TMEM154: variants seen among roughly 807,000 people sequenced by gnomAD.
TMEM154 encodes transmembrane protein 154.
In TMEM154, 27 loss-of-function variants were observed where a neutral mutation model predicts 24.5. The observed-to-expected ratio is 1.10, with a 90% confidence interval of 0.81 to 1.52. The LOEUF (loss-of-function observed/expected upper bound fraction) is 1.52, where lower values mean the gene tolerates loss of function less well. Among genes scored for constraint, TMEM154 ranks in the 40% most tolerant of loss-of-function variants. The pLI, the probability that TMEM154 is intolerant of heterozygous loss-of-function variation, is 0.00. For synonymous variants in TMEM154, 67 were observed against 76.8 expected, an observed-to-expected ratio of 0.87 and a Z score of 0.67; for missense variants, 228 against 213.4, an observed-to-expected ratio of 1.07 and a Z score of -0.43.
intron 6 of TMEM154, among the ~76,000 whole-genome samples, chr4:152,631,971 A>G (rs1042936623): frequency 1.3e-5 from 2 of 151,210 alleles, no homozygotes; most frequent in Non-Finnish European, 2.9e-5. Context: ...TGCCCGGCTA[A>G]TTTTTTTGTA....
intron 3 of TMEM154, among the ~76,000 whole-genome samples, chr4:152,648,317 T>C (rs1378970332): frequency 6.6e-6 from 1 of 151,932 alleles, no homozygotes; most frequent in Admixed American, 6.6e-5. Context: ...ACTCCATCTC[T>C]ACAAAACGTT....
intron 3 of TMEM154, among the ~76,000 whole-genome samples, chr4:152,647,479 A>C (rs1728279313): frequency 6.6e-6 from 1 of 152,024 alleles, no homozygotes; most frequent in Non-Finnish European, 1.5e-5. Context: ...TTCAAATAAA[A>C]CTCTCCATCA....
Position 152,623,759 on chromosome 4 carries a change from G to A in TMEM154, c.*4787C>T, listed in dbSNP as rs74472583. ...GTTGTGCATGCAGTTGTGCACGCCT[G>A]TAATCCCAGCTACTTGGGAGGCTGG... On this transcript the variant is annotated 3_prime_UTR_variant, in exon 7 of 7. Transcript: ENST00000304385. 0.039 allele frequency: 5,880 copies of A among 152,170 alleles called. 158 individuals carry two copies. Among genetic ancestry groups the A allele is most frequent in the African/African-American group, 0.073 (3,044 of 41,490 alleles). The allele number at this position is 152,170 out of a possible 1,614,324, so 9.4% of individuals were successfully genotyped here.
At chr4:152,646,989 A>G (rs1728260894) in intron 3 of TMEM154, 1 of 709,422 alleles carries the variant, frequency 1.4e-6, no homozygotes, top group Non-Finnish European at 2.6e-6. Flanking sequence ...TCATACCAGG[A>G]GGTCTAGGAA....
chr4:152,652,461 T>A, intron 3 of TMEM154, 77 bp downstream of exon 3: 1 of 1,590,878 alleles, frequency 6.3e-7, no homozygotes, highest in Non-Finnish European at 8.5e-7. Flanking sequence ...GTAGTCCTTG[T>A]TGCTTAATTT....
At chr4:152,677,038 C>T (rs577776941) in intron 1 of TMEM154, among the ~76,000 whole-genome samples, 1 of 152,306 alleles carries the variant, frequency 6.6e-6, no homozygotes, top group South Asian at 2.1e-4. Flanking sequence ...GACACCCCTG[C>T]CCCACTTTAC....
At chr4:152,645,712 T>A (rs570396706) in intron 3 of TMEM154, among the ~76,000 whole-genome samples, 16 of 152,338 alleles carry the variant, frequency 1.1e-4, no homozygotes, top group Admixed American at 1.0e-3. Context: ...AGCAGACACC[T>A]GGAACTGAGT....
At chr4:152,672,090 T>TAAAA (rs11290618) in intron 1 of TMEM154, among the ~76,000 whole-genome samples, 4 of 101,954 alleles carry the variant, frequency 3.9e-5, no homozygotes, top group Non-Finnish European at 6.2e-5. Flanking sequence ...CCTATCTCTA[T>TAAAA]AAAAAAAAAA....
chr4:152,672,090 T>TAAA (rs11290618), intron 1 of TMEM154, among the ~76,000 whole-genome samples: 20 of 101,904 alleles, frequency 2.0e-4, no homozygotes, highest in South Asian at 6.6e-4. Context: ...CCTATCTCTA[T>TAAA]AAAAAAAAAA....
At chr4:152,654,034 C>T (rs1283809728) in intron 1 of TMEM154, among the ~76,000 whole-genome samples, 4 of 126,990 alleles carry the variant, frequency 3.1e-5, no homozygotes, top group South Asian at 2.5e-4. Flanking sequence ...AGCGACACTC[C>T]ATCTCAAAAA....
At chr4:152,634,493 C>G (rs1752110094) in intron 6 of TMEM154, among the ~76,000 whole-genome samples, 1 of 152,154 alleles carries the variant, frequency 6.6e-6, no homozygotes, top group Non-Finnish European at 1.5e-5. Context: ...TGCAAGAGGC[C>G]TGGTCTCAGG....
intron 3 of TMEM154, chr4:152,647,403 T>C (rs2149782616): frequency 1.1e-6 from 1 of 900,980 alleles, no homozygotes; most frequent in Non-Finnish European, 1.3e-6. Flanking sequence ...TTCTGAAAAG[T>C]TGTCCATCTG....
chr4:152,633,636 A>G (rs1316819786), intron 6 of TMEM154, among the ~76,000 whole-genome samples: 3 of 152,216 alleles, frequency 2.0e-5, no homozygotes, highest in African/African-American at 7.2e-5. Flanking sequence ...TGGTAACATT[A>G]GCAAGCAATT....
rs1239231328 is a variant in TMEM154, at chr4:152,628,583, AAAAAAAAAAC to A, written c.537-32_537-23del. On this transcript the variant is annotated intron_variant, in intron 6 of 6. Coordinates refer to ENST00000304385, the MANE Select transcript of TMEM154 (RefSeq NM_152680.3). ...GTCACTGTAAAAAAAAAAAAAAAAA[AAAAAAAAAAC>A]AAAAAAAACACACACACACACACAA... is the stretch of plus-strand genomic sequence containing the variant. The A allele has an allele frequency of 5.7e-5, 64 of 1,116,158 alleles. 2 individuals carry two copies. The highest frequency in any genetic ancestry group is 4.4e-4 in the East Asian group (11 of 24,722). 69.1% of individuals were successfully genotyped at this position (1,116,158 alleles called of 1,614,324 possible).
chr4:152,647,566 A>T (rs1728281406), intron 3 of TMEM154, among the ~76,000 whole-genome samples: 1 of 152,216 alleles, frequency 6.6e-6, no homozygotes, highest in Admixed American at 6.5e-5. Context: ...GGCATATTTA[A>T]GGTAAAAATA....
intron 3 of TMEM154, among the ~76,000 whole-genome samples, chr4:152,651,067 G>A (rs1728372590): frequency 6.6e-6 from 1 of 152,168 alleles, no homozygotes; most frequent in Non-Finnish European, 1.5e-5. Flanking sequence ...TGGTAAACAA[G>A]AATTGACTTT....
intron 1 of TMEM154, among the ~76,000 whole-genome samples, chr4:152,660,802 T>C (rs1289154530): frequency 2.6e-5 from 4 of 152,122 alleles, no homozygotes; most frequent in Non-Finnish European, 5.9e-5. Context: ...GAGGAAAGGG[T>C]TCCCAGAAAC....
chr4:152,661,842 T>C (rs915130146), intron 1 of TMEM154, among the ~76,000 whole-genome samples: 2 of 152,224 alleles, frequency 1.3e-5, no homozygotes, highest in African/African-American at 4.8e-5. Context: ...TTCCCCAAGT[T>C]ACTCAGTTTC....
Position 152,643,077 on chromosome 4 carries a change from T to G in TMEM154, c.478+11A>C, listed in dbSNP as rs201565801. 6.2e-7 allele frequency: 1 copy of G among 1,604,514 alleles called. No homozygotes were observed. Among genetic ancestry groups the G allele is most frequent in the African/African-American group, 1.3e-5 (1 of 74,374 alleles). On this transcript the variant is annotated intron_variant, in intron 5 of 6. Transcript: ENST00000304385. ...AGGAAAGAAAAAAAACAACTTTAGG[T>G]TACCACATACCATTTCTATTCATGC...
Sources: allele counts gnomAD v4.1 joint callset (sites outside exome capture counted in the v4.1 genomes callset), GRCh38; gene constraint gnomAD v4.1.1; transcripts MANE v1.5; gene names NCBI Gene and HGNC (gene_info 2026-07-23, HGNC 2026-07-21).